Variants in PVT1 observed in about 807,000 individuals in gnomAD.
PVT1 encodes Pvt1 oncogene.
At chr8:127,950,067 A>G (rs1389682109) in intron 3 of PVT1, among the ~76,000 whole-genome samples, 1 of 152,250 alleles carries the variant, frequency 6.6e-6, no homozygotes, top group Non-Finnish European at 1.5e-5. Flanking sequence ...TCATTTATTG[A>G]GCACTTACTA....
At chr8:127,846,450 G>A (rs183318472) in intron 2 of PVT1, among the ~76,000 whole-genome samples, 67 of 152,266 alleles carry the variant, frequency 4.4e-4, no homozygotes, top group African/African-American at 1.5e-3. Flanking sequence ...AATGATCCTT[G>A]CTCTTACCCT....
chr8:127,853,649 T>C (rs201325612), intron 2 of PVT1, among the ~76,000 whole-genome samples: 1 of 151,806 alleles, frequency 6.6e-6, no homozygotes, highest in Non-Finnish European at 1.5e-5. Flanking sequence ...GGTGTGGTGG[T>C]GGGTGCCTGT....
chr8:127,844,905 G>A lies in PVT1; in HGVS notation n.373-45684G>A, dbSNP rs535433909. Among the ~76,000 whole-genome samples the A allele has an allele frequency of 1.1e-4, 16 of 152,178 alleles. No homozygotes were observed. The South Asian group carries it at 3.3e-3, about 32-fold the overall frequency. On this transcript the variant is annotated intron_variant and non_coding_transcript_variant, in intron 2 of 10. Coordinates refer to ENST00000651587, the Ensembl canonical transcript of PVT1. ...ATTTTCTGTATTTTTAGTAGAGACG[G>A]GGTTTCACTGTGTTAGCCAGGATGG...
At chr8:127,827,436 C>T (rs541155413) in intron 2 of PVT1, among the ~76,000 whole-genome samples, 4 of 152,268 alleles carry the variant, frequency 2.6e-5, no homozygotes, top group Admixed American at 2.6e-4. Context: ...TCTGGTTCAC[C>T]CCCTGGGGCT....
chr8:127,895,592 G>A (rs1022218051), intron 3 of PVT1, among the ~76,000 whole-genome samples: 4 of 152,166 alleles, frequency 2.6e-5, no homozygotes, highest in Admixed American at 1.3e-4. Flanking sequence ...TATGTACTCA[G>A]GGAATACTAG....
intron 4 of PVT1, chr8:128,070,013 G>T (rs1262468382): frequency 6.6e-6 from 1 of 152,078 alleles, no homozygotes; most frequent in East Asian, 1.9e-4. Flanking sequence ...AGCCACTCCA[G>T]TGTGCTTGCT....
At chr8:127,834,289 TTGACAAACC>T (rs1814884559) in intron 2 of PVT1, among the ~76,000 whole-genome samples, 1 of 152,040 alleles carries the variant, frequency 6.6e-6, no homozygotes, top group South Asian at 2.1e-4. Flanking sequence ...CATCTGAACT[TTGACAAACC>T]TGACAAAAAC....
intron 2 of PVT1, among the ~76,000 whole-genome samples, chr8:127,822,353 G>A (rs1407286923): frequency 6.6e-6 from 1 of 152,190 alleles, no homozygotes; most frequent in African/African-American, 2.4e-5. Flanking sequence ...CAAGACGAGC[G>A]GATAGTTGAG....
At chr8:127,998,720 C>A (rs1439140125) in intron 4 of PVT1, among the ~76,000 whole-genome samples, 1 of 137,240 alleles carries the variant, frequency 7.3e-6, no homozygotes, top group Non-Finnish European at 1.5e-5. Context: ...TCTTTCCTTC[C>A]TTTCTCCTTC....
chr8:127,890,084 G>A (rs1815581948), intron 2 of PVT1, among the ~76,000 whole-genome samples: 1 of 152,216 alleles, frequency 6.6e-6, no homozygotes, highest in Non-Finnish European at 1.5e-5. Flanking sequence ...GCCCTGCCCT[G>A]AAGAGGCTCA....
chr8:128,029,438 TA>T (rs1216339874), intron 4 of PVT1, among the ~76,000 whole-genome samples: 1 of 152,168 alleles, frequency 6.6e-6, no homozygotes, highest in East Asian at 1.9e-4. Context: ...TCCTATTTTC[TA>T]AATTTCAAAA....
intron 4 of PVT1, among the ~76,000 whole-genome samples, chr8:127,993,090 C>T (rs914720899): frequency 1.3e-5 from 2 of 152,362 alleles, no homozygotes; most frequent in Admixed American, 1.3e-4. Context: ...CTTGTGGTTT[C>T]ATACTGAGGT....
At chr8:127,908,498 C>T (rs369340506) in intron 3 of PVT1, among the ~76,000 whole-genome samples, 39 of 151,910 alleles carry the variant, frequency 2.6e-4, no homozygotes, top group Admixed American at 1.8e-3. Flanking sequence ...TGTGCCACCA[C>T]GCCCGGCTAA....
intron 3 of PVT1, among the ~76,000 whole-genome samples, chr8:127,956,587 C>T (rs1415473409): frequency 2.0e-5 from 3 of 152,196 alleles, no homozygotes; most frequent in South Asian, 2.1e-4. Flanking sequence ...TGAGTTCAAG[C>T]GATTCTCCTG....
At chr8:127,863,244 T>C (rs1815249375) in intron 2 of PVT1, among the ~76,000 whole-genome samples, 2 of 152,104 alleles carry the variant, frequency 1.3e-5, no homozygotes, top group South Asian at 2.1e-4. Flanking sequence ...CCCGAGTTGC[T>C]GGGATTACAG....
chr8:128,057,391 G>T (rs555286899), intron 4 of PVT1, among the ~76,000 whole-genome samples: 1 of 152,080 alleles, frequency 6.6e-6, no homozygotes, highest in Non-Finnish European at 1.5e-5. Flanking sequence ...TACTATACTG[G>T]CAGGGAGATA....
chr8:128,054,812 G>A (rs1813744719), intron 4 of PVT1, among the ~76,000 whole-genome samples: 1 of 152,220 alleles, frequency 6.6e-6, no homozygotes, highest in African/African-American at 2.4e-5. Context: ...AATTCCATCT[G>A]TCACCTTGGG....
chr8:127,987,700 G>A (rs1816984841), intron 3 of PVT1, among the ~76,000 whole-genome samples: 1 of 152,216 alleles, frequency 6.6e-6, no homozygotes, highest in Non-Finnish European at 1.5e-5. Flanking sequence ...TCTTTAAGTA[G>A]TAGAACTGGG....
intron 2 of PVT1, among the ~76,000 whole-genome samples, chr8:127,798,356 C>T (rs1204769061): frequency 6.6e-6 from 1 of 151,576 alleles, no homozygotes; most frequent in Non-Finnish European, 1.5e-5. Flanking sequence ...AGCAGGAGAA[C>T]ACAGTGTGTC....
Sources: allele counts gnomAD v4.1 joint callset (sites outside exome capture counted in the v4.1 genomes callset), GRCh38; gene constraint gnomAD v4.1.1; transcripts MANE v1.5; gene names NCBI Gene and HGNC (gene_info 2026-07-23, HGNC 2026-07-21).